Variants in PPME1 observed in about 807,000 individuals in gnomAD.
PPME1 encodes the protein protein phosphatase methylesterase 1, also known as testicular secretory protein Li 39.
A neutral mutation model predicts 56.9 loss-of-function variants in PPME1; 17 were observed. The ratio of observed to expected loss-of-function variants is 0.30; its 90% confidence interval spans 0.20 to 0.45. PPME1 has a LOEUF of 0.45. Ranked by LOEUF, PPME1 falls within the 20% of genes least tolerant of loss-of-function variation. The pLI is 1.00. For missense variants in PPME1, 357 were observed against 483.2 expected, an observed-to-expected ratio of 0.74 and a Z score of 2.45; for synonymous variants, 122 against 156.2, an observed-to-expected ratio of 0.78 and a Z score of 1.63.
At chr11:74,248,854 A>AT (rs1473858572) in intron 11 of PPME1, 1 of 152,206 alleles carries the variant, frequency 6.6e-6, no homozygotes, top group Non-Finnish European at 1.5e-5. Context: ...CTGGGATAGC[A>AT]TTTGAAATCA....
chr11:74,199,220 T>C (rs902861549), intron 1 of PPME1, among the ~76,000 whole-genome samples: 1 of 152,198 alleles, frequency 6.6e-6, no homozygotes, highest in Admixed American at 6.5e-5. Flanking sequence ...AGCCTGTCTT[T>C]CTTCTCCAAG....
chr11:74,241,010 C>T (rs77247581), intron 9 of PPME1, among the ~76,000 whole-genome samples: 4,744 of 152,274 alleles, frequency 0.031, 224 homozygotes, highest in African/African-American at 0.11. Context: ...CCCAGATCCT[C>T]GATTTTTAAT....
intron 9 of PPME1, among the ~76,000 whole-genome samples, chr11:74,242,860 CAG>C (rs61502548): frequency 0.042 from 4,806 of 113,318 alleles, 190 homozygotes; most frequent in African/African-American, 0.12. Context: ...GCCTGGGCGA[CAG>C]AGTGAGACTC....
chr11:74,191,850 G>T (rs1857848867), intron 1 of PPME1, among the ~76,000 whole-genome samples: 2 of 152,220 alleles, frequency 1.3e-5, no homozygotes, highest in South Asian at 4.1e-4. Context: ...AGAAAGCCAG[G>T]GTGCCCAGGT....
intron 1 of PPME1, among the ~76,000 whole-genome samples, chr11:74,200,221 A>G (rs575098011): frequency 6.6e-6 from 1 of 152,262 alleles, no homozygotes; most frequent in African/African-American, 2.4e-5. Context: ...AATCTAAACT[A>G]TATCCCTAAA....
intron 1 of PPME1, among the ~76,000 whole-genome samples, chr11:74,186,562 C>T (rs919326413): frequency 2.6e-5 from 4 of 152,102 alleles, no homozygotes; most frequent in African/African-American, 9.7e-5. Flanking sequence ...ATAATAGCTA[C>T]CCCAGAGGCT....
rs145467183 is a variant in PPME1, at chr11:74,252,190, C to T, written c.1142+475C>T. Reference sequence around the variant, plus strand: ...CTCAAGTGATCCAGTGCCTCAGTCTCCCGAGTAGCTGGGATCACAGGCGTA... The same window carrying T: ...CTCAAGTGATCCAGTGCCTCAGTCTTCCGAGTAGCTGGGATCACAGGCGTA... On this transcript the variant is annotated intron_variant, in intron 13 of 13. Coordinates refer to ENST00000328257, the MANE Select transcript of PPME1 (RefSeq NM_016147.3). Among the ~76,000 whole-genome samples the T allele has an allele frequency of 2.5e-3, 374 of 150,090 alleles. 3 individuals are homozygous for T. Among genetic ancestry groups the T allele is most frequent in the African/African-American group, 8.0e-3 (326 of 40,648 alleles).
At chr11:74,224,249 G>C (rs1207050433) in intron 4 of PPME1, among the ~76,000 whole-genome samples, 2 of 148,756 alleles carry the variant, frequency 1.3e-5, no homozygotes, top group Non-Finnish European at 2.9e-5. Context: ...AGATCAGATA[G>C]TTGTAGATAT....
In PPME1 at chr11:74,171,309, G is replaced by T; in HGVS notation, c.-113G>T. 1 of 1,509,494 alleles carries T rather than the reference G, an allele frequency of 6.6e-7. No individual in the cohort carries two copies. The allele number at this position is 1,509,494 out of a possible 1,614,324, so 93.5% of individuals were successfully genotyped here. ...GCGGTGCTACGGGTAGCTGGGTGCT[G>T]TCCAAAGGCGACAGGGCGTCGTTAG... On this transcript the variant is annotated 5_prime_UTR_variant, in exon 1 of 14. Coordinates refer to ENST00000328257, the MANE Select transcript of PPME1 (RefSeq NM_016147.3).
chr11:74,233,213 C>T (rs901904898), intron 7 of PPME1, among the ~76,000 whole-genome samples: 8 of 151,984 alleles, frequency 5.3e-5, no homozygotes, highest in African/African-American at 1.4e-4. Flanking sequence ...CATGGTAGGC[C>T]TTCTCTTAAA....
chr11:74,184,014 T>A (rs1192054840), intron 1 of PPME1, among the ~76,000 whole-genome samples: 3 of 152,166 alleles, frequency 2.0e-5, no homozygotes, highest in Non-Finnish European at 4.4e-5. Context: ...AAAATATGAT[T>A]ATTGAAAGCT....
chr11:74,172,321 G>A (rs930306071), intron 1 of PPME1, among the ~76,000 whole-genome samples: 1 of 152,076 alleles, frequency 6.6e-6, no homozygotes, highest in Non-Finnish European at 1.5e-5. Context: ...GGAGAGAACT[G>A]AAGAATTTAC....
intron 8 of PPME1, among the ~76,000 whole-genome samples, chr11:74,237,275 C>CTTTTTTTTTTTTTTTTTTTTT (rs763251745): frequency 2.3e-5 from 3 of 128,032 alleles, no homozygotes; most frequent in Admixed American, 7.7e-5. Context: ...GTCTGGTTGT[C>CTTTTTTTTTTTTTTTTTTTTT]TTTTTTTTTT....
rs555425819 is a variant in PPME1 at position 74,231,304 on chromosome 11, C to T, written c.644+302C>T. Among the ~76,000 whole-genome samples, 4 of 152,332 alleles carry T rather than the reference C, an allele frequency of 2.6e-5. No individual in the cohort carries two copies. The East Asian group carries it at 7.7e-4, about 29-fold the overall frequency. ...AGTAATCCTCCTGCTTTAGCCTGGC[C>T]TCAAGTAATCAAGTAATCAAATTCC... On this transcript the variant is annotated intron_variant, in intron 7 of 13. Transcript: ENST00000328257.
In PPME1 at chr11:74,198,445, C is replaced by G. The variant is rs1243200264; in HGVS notation, c.102-5283C>G. On this transcript the variant is annotated intron_variant, in intron 1 of 13. Coordinates refer to ENST00000328257, the MANE Select transcript of PPME1 (RefSeq NM_016147.3). The stretch of plus-strand genomic sequence containing the variant: ...TACTTTTATCTTTACATTTTATCGA[C>G]TCTTCATTTTCTTTTCTTGTTTGTT... Among the ~76,000 whole-genome samples the G allele has an allele frequency of 5.3e-5, 8 of 151,916 alleles. No individual in the cohort carries two copies. In the East Asian group the frequency reaches 1.5e-3, roughly 29 times the overall value.
At chr11:74,194,404 C>T (rs929178688) in intron 1 of PPME1, among the ~76,000 whole-genome samples, 2 of 152,072 alleles carry the variant, frequency 1.3e-5, no homozygotes, top group Admixed American at 6.5e-5. Flanking sequence ...TGGCAAATGC[C>T]ATCAAGGTAA....
chr11:74,172,583 C>T (rs966102796), intron 1 of PPME1, among the ~76,000 whole-genome samples: 1 of 152,108 alleles, frequency 6.6e-6, no homozygotes, highest in African/African-American at 2.4e-5. Flanking sequence ...AATTTTAGAT[C>T]GTTAAATGGC....
At chr11:74,206,786 C>G (rs1015842975) in intron 3 of PPME1, among the ~76,000 whole-genome samples, 1 of 152,032 alleles carries the variant, frequency 6.6e-6, no homozygotes, top group Admixed American at 6.5e-5. Flanking sequence ...AGGGTGGTGT[C>G]AAACTCCTGG....
chr11:74,171,588 G>C, intron 1 of PPME1, 66 bp downstream of exon 1: 1 of 1,513,334 alleles, frequency 6.6e-7, no homozygotes, highest in Non-Finnish European at 8.9e-7. Flanking sequence ...GTATCTCTGG[G>C]CGTTCATAGA....
Sources: allele counts gnomAD v4.1 joint callset (sites outside exome capture counted in the v4.1 genomes callset), GRCh38; gene constraint gnomAD v4.1.1; transcripts MANE v1.5; gene names NCBI Gene and HGNC (gene_info 2026-07-23, HGNC 2026-07-21).